KIAA1217: variants seen among roughly 807,000 people sequenced by gnomAD.
KIAA1217 encodes KIAA1217.
Under a neutral mutation model 163.9 loss-of-function variants are expected in KIAA1217, and 88 were observed. The ratio of observed to expected loss-of-function variants is 0.54; its 90% CI spans 0.45 to 0.64. The LOEUF (loss-of-function observed/expected upper bound fraction) is 0.64, where lower values mean the gene tolerates loss of function less well. KIAA1217 is among the 30% of genes least tolerant of loss of function. The probability of loss-of-function intolerance (pLI) is 0.00; values close to 1 mark genes in which losing one functional copy is unlikely to be tolerated. For synonymous variants in KIAA1217, 903 were observed against 923.1 expected (o/e 0.98, Z 0.39); for missense variants, 2,372 against 2,475.0 (o/e 0.96, Z 0.88).
chr10:24,180,618 T>C (rs2066131575), intron 2 of KIAA1217, among the ~76,000 whole-genome samples: 1 of 152,138 alleles, frequency 6.6e-6, no homozygotes, highest in Non-Finnish European at 1.5e-5. Context: ...TCAACTCAAG[T>C]TCAAATTTGT....
At chr10:24,320,977 G>A (rs2044070240) in intron 2 of KIAA1217, among the ~76,000 whole-genome samples, 1 of 151,822 alleles carries the variant, frequency 6.6e-6, no homozygotes, top group South Asian at 2.1e-4. Flanking sequence ...AACCCAGGAG[G>A]TGGAGCTTGC....
rs1294295019 is a variant in KIAA1217 at position 24,381,064 on chromosome 10, C to G, written c.550C>G (p.Leu184Val). 1 of 1,550,094 alleles carries G rather than the reference C, an allele frequency of 6.5e-7. No individual in the cohort carries two copies. The highest frequency in any genetic ancestry group is 2.3e-5 in the East Asian group (1 of 43,244). Residue 184 changes from leucine to valine, a missense_variant, in exon 3 of 21, where the codon CTG (leucine) becomes GTG (valine). By Grantham distance (32) the Leu-to-Val change is conservative. Around this residue, in one of 3 missense-constraint regions of KIAA1217, gnomAD observed 1,431 missense variants for 1,470.3 expected, o/e 0.97. Transcript: ENST00000376454. ...RSTNQTKERS[L>V]GVLYLQYGDE... Reference sequence around the variant, plus strand: ...AACCAACCAGACGAAAGAAAGATCTCTGGGTAAGCTTTAGAAGGCAGTTTC... The same window carrying G: ...AACCAACCAGACGAAAGAAAGATCTGTGGGTAAGCTTTAGAAGGCAGTTTC...
chr10:24,475,134 A>G (rs937294025), intron 6 of KIAA1217, among the ~76,000 whole-genome samples: 1 of 152,090 alleles, frequency 6.6e-6, no homozygotes, highest in Admixed American at 6.5e-5. Flanking sequence ...CAGGAGAATC[A>G]CTTGAACCTG....
chr10:24,491,082 G>T (rs2066054023), intron 6 of KIAA1217, among the ~76,000 whole-genome samples: 1 of 152,090 alleles, frequency 6.6e-6, no homozygotes. Context: ...CTATTACCTG[G>T]TGGGAGCTCA....
intron 2 of KIAA1217, chr10:24,367,079 T>G: frequency 1.2e-6 from 1 of 848,098 alleles, no homozygotes; most frequent in Non-Finnish European, 1.4e-6. Flanking sequence ...TTTCACCCCT[T>G]TTCTTTCCTA....
intron 6 of KIAA1217, among the ~76,000 whole-genome samples, chr10:24,487,083 G>T (rs182500339): frequency 0.02 from 3,055 of 152,266 alleles, 48 homozygotes; most frequent in Non-Finnish European, 0.028. Context: ...CGGCTTCTCC[G>T]CTTGCCCTGG....
intron 2 of KIAA1217, among the ~76,000 whole-genome samples, chr10:24,194,627 G>A (rs370729722): frequency 6.6e-6 from 1 of 151,700 alleles, no homozygotes; most frequent in African/African-American, 2.4e-5. Context: ...AGACTGAAGT[G>A]GAATGACATG....
intron 2 of KIAA1217, among the ~76,000 whole-genome samples, chr10:24,106,003 AC>A (rs1332160664): frequency 6.6e-6 from 1 of 152,018 alleles, no homozygotes; most frequent in East Asian, 1.9e-4. Context: ...GAAGTTGGAG[AC>A]CAATTCTAAG....
At chr10:23,740,693 A>T (rs1266318931) in intron 1 of KIAA1217, among the ~76,000 whole-genome samples, 2 of 152,104 alleles carry the variant, frequency 1.3e-5, no homozygotes, top group Admixed American at 1.3e-4. Context: ...AGTTCCACCC[A>T]GGTCTGTCTC....
At position 24,400,962 on chromosome 10, in the gene KIAA1217, TAC is replaced by T. The variant is rs375697958; in HGVS notation, c.553+19931_553+19932del. On this transcript the variant is annotated intron_variant, in intron 3 of 20. Coordinates refer to ENST00000376454, the MANE Select transcript of KIAA1217 (RefSeq NM_019590.5). ...AACACAAAATTCCAAGCAAGAAACA[TAC>T]ACACACACACACACACACACACACA... 5.4e-3 allele frequency among the ~76,000 whole-genome samples: 633 copies of T among 116,716 alleles called. 5 individuals are homozygous for T. The highest frequency in any genetic ancestry group is 0.011 in the African/African-American group (318 of 30,166). 76.6% of individuals were successfully genotyped at this position (116,716 alleles called of 152,430 possible). A position where few individuals can be genotyped will look rare whatever the true frequency, so the allele number is the denominator to read the frequency against.
upstream of KIAA1217, among the ~76,000 whole-genome samples, chr10:24,204,588 C>T (rs2067446297): frequency 1.3e-5 from 2 of 152,158 alleles, no homozygotes; most frequent in Non-Finnish European, 2.9e-5. Flanking sequence ...GAGGGCTTAT[C>T]TTGGGATCAC....
intron 1 of KIAA1217, among the ~76,000 whole-genome samples, chr10:23,724,035 A>C (rs1175854249): frequency 6.6e-6 from 1 of 152,114 alleles, no homozygotes; most frequent in Admixed American, 6.5e-5. Context: ...GCAAGCGGGG[A>C]GATGCTACAC....
At chr10:24,537,993 C>CAA (rs2074284768) in intron 17 of KIAA1217, among the ~76,000 whole-genome samples, 1 of 152,190 alleles carries the variant, frequency 6.6e-6, no homozygotes. Flanking sequence ...AAAAAGCTTG[C>CAA]AAGGCCTAAC....
chr10:23,897,805 A>G (rs1841771674), intron 1 of KIAA1217, among the ~76,000 whole-genome samples: 1 of 151,664 alleles, frequency 6.6e-6, no homozygotes, highest in Non-Finnish European at 1.5e-5. Context: ...AAGGTTTTAT[A>G]TAAAATGTAA....
intron 1 of KIAA1217, among the ~76,000 whole-genome samples, chr10:23,804,668 G>T (rs1165481388): frequency 6.6e-6 from 1 of 152,122 alleles, no homozygotes; most frequent in African/African-American, 2.4e-5. Context: ...ACACACCGTT[G>T]CCAGTGTCTG....
chr10:24,225,013 A>G (rs918325731), intron 2 of KIAA1217, among the ~76,000 whole-genome samples: 3 of 151,944 alleles, frequency 2.0e-5, no homozygotes, highest in Admixed American at 6.6e-5. Context: ...TTTTTAGTAG[A>G]GACGGGGTTC....
intron 2 of KIAA1217, among the ~76,000 whole-genome samples, chr10:24,227,356 A>G (rs1452859483): frequency 6.6e-6 from 1 of 151,248 alleles, no homozygotes; most frequent in Non-Finnish European, 1.5e-5. Flanking sequence ...ACAGGGTTTC[A>G]CTATGTTGGC....
chr10:23,780,766 C>T (rs926905732), intron 1 of KIAA1217, among the ~76,000 whole-genome samples: 7 of 152,138 alleles, frequency 4.6e-5, no homozygotes, highest in Admixed American at 6.5e-5. Context: ...CCGCAACCTC[C>T]GCCTCCCAGG....
At chr10:23,739,304 C>G (rs549887126) in intron 1 of KIAA1217, among the ~76,000 whole-genome samples, 1 of 151,980 alleles carries the variant, frequency 6.6e-6, no homozygotes, top group African/African-American at 2.4e-5. Flanking sequence ...TTTGGGTGAT[C>G]GATACACTAA....
Sources: gnomAD v4.1 joint callset for allele counts (sites outside exome capture counted in the v4.1 genomes callset) on GRCh38, gnomAD v4.1.1 for gene constraint, gnomAD v4.1.1 regional missense constraint, MANE v1.5 for transcripts, NCBI Gene and HGNC (gene_info 2026-07-23, HGNC 2026-07-21) for gene names.